SMAGP: variants seen among roughly 807,000 people sequenced by gnomAD.
The protein encoded by SMAGP is small cell adhesion glycoprotein.
SMAGP carries 7 observed loss-of-function variants against 10.1 expected under a neutral mutation model. That is an observed-to-expected ratio of 0.70 (90% CI 0.40 to 1.31). The LOEUF is 1.31. Ranked by LOEUF, SMAGP falls within the 50% of genes most tolerant of loss-of-function variation. The pLI is 0.01. For synonymous variants in SMAGP, 49 were observed against 47.2 expected (o/e 1.04, Z -0.16); for missense variants, 113 against 116.5 (o/e 0.97, Z 0.14).
Position 51,246,024 on chromosome 12 carries a change from G to C in SMAGP, c.211C>G (p.Pro71Ala). 2 of 1,613,950 alleles carry C rather than the reference G, an allele frequency of 1.2e-6. No homozygotes were observed. The highest frequency in any genetic ancestry group is 1.7e-6 in the Non-Finnish European group (2 of 1,179,864). ...KNKGSYVTYE[P>A]TEGEPSAIVQ... Reference sequence around the variant, plus strand: ...ATGGCACTGGGCTCACCTTCTGTAGGTTCATAGGTGACGTAGCTGCCTTTG... The same window carrying C: ...ATGGCACTGGGCTCACCTTCTGTAGCTTCATAGGTGACGTAGCTGCCTTTG... The change falls in exon 4 of 4, where the codon CCT becomes GCT. Residue 71 changes from proline to alanine, a missense_variant. By Grantham distance (27) the Pro-to-Ala change is conservative. Coordinates refer to ENST00000603798, the MANE Select transcript of SMAGP (RefSeq NM_001031628.2).
intron 2 of SMAGP, among the ~76,000 whole-genome samples, chr12:51,251,251 T>C (rs1439357161): frequency 6.6e-6 from 1 of 151,904 alleles, no homozygotes; most frequent in Non-Finnish European, 1.5e-5. Flanking sequence ...CTGGACAATA[T>C]AGCAAGACAC....
At chr12:51,260,198 C>A (rs1471169324) in intron 2 of SMAGP, among the ~76,000 whole-genome samples, 2 of 147,068 alleles carry the variant, frequency 1.4e-5, no homozygotes, top group African/African-American at 5.0e-5. Context: ...ATCTGGGTGT[C>A]ATGGTTTCTT....
At chr12:51,267,011 G>T (rs541558107) in intron 2 of SMAGP, among the ~76,000 whole-genome samples, 1 of 152,270 alleles carries the variant, frequency 6.6e-6, no homozygotes, top group Non-Finnish European at 1.5e-5. Context: ...AGCTACTAGG[G>T]AGACTAAGGT....
intron 2 of SMAGP, among the ~76,000 whole-genome samples, chr12:51,249,126 C>CAG (rs1381054986): frequency 6.6e-6 from 1 of 152,054 alleles, no homozygotes; most frequent in African/African-American, 2.4e-5. Flanking sequence ...GCTGAACATG[C>CAG]AGAAGTTCCC....
At chr12:51,258,972 C>T (rs894778925) in intron 2 of SMAGP, among the ~76,000 whole-genome samples, 1 of 133,498 alleles carries the variant, frequency 7.5e-6, no homozygotes, top group African/African-American at 2.7e-5. Flanking sequence ...CATGGGGAGA[C>T]CCTGTCTCTA....
chr12:51,260,369 TG>T (rs765648929), intron 2 of SMAGP, among the ~76,000 whole-genome samples: 58 of 137,474 alleles, frequency 4.2e-4, no homozygotes, highest in African/African-American at 1.7e-3. Context: ...TTGTTTTTTT[TG>T]TTGTTGTTGT....
chr12:51,248,620 G>A (rs1157701012), intron 2 of SMAGP, among the ~76,000 whole-genome samples: 2 of 152,128 alleles, frequency 1.3e-5, no homozygotes, highest in African/African-American at 2.4e-5. Flanking sequence ...CTGCCCCAAG[G>A]CAGGACTCTA....
intron 2 of SMAGP, among the ~76,000 whole-genome samples, chr12:51,264,627 T>TAAA (rs576531152): frequency 4.8e-4 from 49 of 101,096 alleles, no homozygotes; most frequent in African/African-American, 1.8e-3. Context: ...TCCCATCTCT[T>TAAA]AAAAAAAAAA....
rs1944753200 is a variant in SMAGP at position 51,245,374 on chromosome 12, A to G, written c.*567T>C. On this transcript the variant is annotated 3_prime_UTR_variant, in exon 4 of 4. Coordinates refer to ENST00000603798, the MANE Select transcript of SMAGP (RefSeq NM_001031628.2). Reference sequence around the variant, plus strand: ...GATTTCTGTAGCAATGAAAATTTTTAATTTGAATAAAAATCACGTAAGCAT... The same window carrying G: ...GATTTCTGTAGCAATGAAAATTTTTGATTTGAATAAAAATCACGTAAGCAT... 1 of 152,692 alleles carries G rather than the reference A, an allele frequency of 6.5e-6. No individual in the cohort carries two copies. The highest frequency in any genetic ancestry group is 1.5e-5 in the Non-Finnish European group (1 of 68,078). The allele number at this position is 152,692 out of a possible 1,614,324, so 9.5% of individuals were successfully genotyped here. A position where few individuals can be genotyped will look rare whatever the true frequency, so the allele number is the denominator to read the frequency against.
At chr12:51,270,191 G>C (rs1358277554) in intron 1 of SMAGP, 65 bp downstream of exon 1, 1 of 152,516 alleles carries the variant, frequency 6.6e-6, no homozygotes, top group Non-Finnish European at 1.5e-5. Flanking sequence ...TGCCACGGCC[G>C]AGGTGGCTGC....
intron 3 of SMAGP, 44 bp from the exon 4 acceptor site, chr12:51,246,163 G>T: frequency 6.2e-7 from 1 of 1,606,882 alleles, no homozygotes; most frequent in Non-Finnish European, 8.5e-7. Flanking sequence ...CAGGATTGAG[G>T]ATGTCTCAGT....
intron 2 of SMAGP, among the ~76,000 whole-genome samples, chr12:51,252,709 A>C (rs1218035644): frequency 1.3e-5 from 2 of 151,620 alleles, no homozygotes; most frequent in Non-Finnish European, 2.9e-5. Flanking sequence ...TTTAAAAAGC[A>C]TTATATTTGC....
At chr12:51,259,368 C>A (rs954780117) in intron 2 of SMAGP, among the ~76,000 whole-genome samples, 2 of 152,080 alleles carry the variant, frequency 1.3e-5, no homozygotes, top group African/African-American at 4.8e-5. Flanking sequence ...CCTGCCTGAA[C>A]AACACAAAGT....
intron 2 of SMAGP, among the ~76,000 whole-genome samples, chr12:51,257,747 G>C (rs1944898874): frequency 6.6e-6 from 1 of 152,120 alleles, no homozygotes; most frequent in Non-Finnish European, 1.5e-5. Context: ...GTTTCACCCT[G>C]TTGGCCAGGC....
chr12:51,245,850 T>TC lies in SMAGP; in HGVS notation c.*90dup. 1 of 1,436,286 alleles carries TC rather than the reference T, an allele frequency of 7.0e-7. No individual in the cohort carries two copies. Among genetic ancestry groups the TC allele is most frequent in the Middle Eastern group, 2.6e-4 (1 of 3,884 alleles). 89.0% of individuals were successfully genotyped at this position (1,436,286 alleles called of 1,614,324 possible). ...GGATTTGCCCACATCAATCAATGCTTCTCCCTGGCTTCAGAGAAAACTTTC... is the reference window on the plus strand; with the variant it reads ...GGATTTGCCCACATCAATCAATGCTTCCTCCCTGGCTTCAGAGAAAACTTTC... On this transcript the variant is annotated 3_prime_UTR_variant, in exon 4 of 4. Transcript: ENST00000603798.
At chr12:51,259,664 A>G (rs566851136) in intron 2 of SMAGP, among the ~76,000 whole-genome samples, 1 of 152,318 alleles carries the variant, frequency 6.6e-6, no homozygotes, top group South Asian at 2.1e-4. Flanking sequence ...TATACTCCAA[A>G]ACAGCAGCAG....
At chr12:51,258,675 C>G (rs1421740321) in intron 2 of SMAGP, among the ~76,000 whole-genome samples, 3 of 151,634 alleles carry the variant, frequency 2.0e-5, no homozygotes, top group African/African-American at 7.3e-5. Context: ...GCTATAAGGC[C>G]TAAGTGAGGC....
chr12:51,263,860 T>C (rs1944950058), intron 2 of SMAGP, among the ~76,000 whole-genome samples: 1 of 152,096 alleles, frequency 6.6e-6, no homozygotes, highest in African/African-American at 2.4e-5. Flanking sequence ...TCTTTTATAA[T>C]TAGAAGAAGG....
At chr12:51,246,590 C>T (rs958206405) in intron 3 of SMAGP, 161 bp downstream of exon 3, 13 of 501,230 alleles carry the variant, frequency 2.6e-5, no homozygotes, top group Non-Finnish European at 3.3e-5. Context: ...CAGAAGCCTC[C>T]GAGTCTTTTA....
Sources: allele counts gnomAD v4.1 joint callset (sites outside exome capture counted in the v4.1 genomes callset), GRCh38; gene constraint gnomAD v4.1.1; transcripts MANE v1.5; gene names NCBI Gene and HGNC (gene_info 2026-07-23, HGNC 2026-07-21).